The following CSMD1 variants were observed in gnomAD, a reference collection of about 807,000 sequenced individuals.
The protein encoded by CSMD1 is CUB and sushi domain-containing protein 1.
In CSMD1, 213 loss-of-function variants were observed where a neutral mutation model predicts 417.5. The observed-to-expected ratio is 0.51, with a 90% CI of 0.46 to 0.57. CSMD1 has a LOEUF of 0.57. Among genes scored for constraint, CSMD1 ranks in the 20% least tolerant of loss-of-function variants. The probability of loss-of-function intolerance (pLI) is 0.00; values close to 1 mark genes in which losing one functional copy is unlikely to be tolerated. For synonymous variants in CSMD1, 2,862 were observed against 1,736.8 expected (o/e 1.65, Z -16.11); for missense variants, 6,923 against 4,529.7 (o/e 1.53, Z -15.17).
chr8:4,525,494 A>C (rs1014364358), intron 2 of CSMD1, among the ~76,000 whole-genome samples: 3 of 152,218 alleles, frequency 2.0e-5, no homozygotes, highest in African/African-American at 7.2e-5. Flanking sequence ...TCGTAAGAGC[A>C]ATTTAGCGCC....
chr8:3,510,531 A>C (rs938030874), intron 10 of CSMD1, among the ~76,000 whole-genome samples: 2 of 151,886 alleles, frequency 1.3e-5, no homozygotes, highest in Non-Finnish European at 2.9e-5. Context: ...AGGTCTTTAA[A>C]GAGGTCAAAT....
At chr8:3,175,027 C>G (rs976072541) in intron 37 of CSMD1, among the ~76,000 whole-genome samples, 1 of 152,198 alleles carries the variant, frequency 6.6e-6, no homozygotes, top group East Asian at 1.9e-4. Context: ...AAGTTTTGAA[C>G]TCAGTGCCTT....
Position 3,573,174 on chromosome 8 carries a change from TACTTAC to T in CSMD1, c.1344+1765_1344+1770del, listed in dbSNP as rs1487892460. On this transcript the variant is annotated intron_variant, in intron 10 of 69. Transcript: ENST00000635120. The stretch of plus-strand genomic sequence containing the variant: ...TTATAATAGATAATGATATTACATT[TACTTAC>T]GCAACATGTGGATTTATCTGTTTTT... Among the ~76,000 whole-genome samples the T allele has an allele frequency of 2.6e-5, 4 of 152,346 alleles. No homozygotes were observed. In the East Asian group the frequency reaches 7.7e-4, roughly 29 times the overall value.
chr8:4,114,485 T>A (rs573026211), intron 3 of CSMD1, among the ~76,000 whole-genome samples: 1 of 152,228 alleles, frequency 6.6e-6, no homozygotes, highest in Admixed American at 6.5e-5. Flanking sequence ...GTTGTCTTCA[T>A]GCCAGCTAAT....
chr8:2,984,767 A>G (rs1805728643), intron 54 of CSMD1, among the ~76,000 whole-genome samples: 1 of 152,248 alleles, frequency 6.6e-6, no homozygotes, highest in African/African-American at 2.4e-5. Flanking sequence ...CAAGCCCAGC[A>G]TCCCGTGCAA....
intron 5 of CSMD1, among the ~76,000 whole-genome samples, chr8:3,977,440 C>A (rs2130142317): frequency 6.6e-6 from 1 of 152,104 alleles, no homozygotes; most frequent in Middle Eastern, 3.4e-3. Context: ...TCCATGTTCT[C>A]TGAGTTGTTT....
In CSMD1 at chr8:3,622,967, T is replaced by A. The variant is rs1796328137; in HGVS notation, c.1010-6170A>T. On this transcript the variant is annotated intron_variant, in intron 7 of 69. Transcript: ENST00000635120. ...AACTCTAATTTTGTTGAATTATATCTTTTCAGATCTCATAGAACACATGAC... is the reference window on the plus strand; with the variant it reads ...AACTCTAATTTTGTTGAATTATATCATTTCAGATCTCATAGAACACATGAC... 3.9e-5 allele frequency among the ~76,000 whole-genome samples: 6 copies of A among 152,336 alleles called. 1 individual carries two copies. In the South Asian group the frequency reaches 1.2e-3, roughly 32 times the overall value.
intron 2 of CSMD1, among the ~76,000 whole-genome samples, chr8:4,446,831 C>G (rs1171747944): frequency 1.3e-5 from 2 of 149,728 alleles, no homozygotes; most frequent in African/African-American, 4.9e-5. Context: ...CCATCTTGGC[C>G]AGACTGGTCT....
chr8:4,458,785 G>C (rs1016064639), intron 2 of CSMD1, among the ~76,000 whole-genome samples: 4 of 151,876 alleles, frequency 2.6e-5, no homozygotes, highest in African/African-American at 9.7e-5. Flanking sequence ...TAACGGTTAG[G>C]AATATTTAAT....
intron 7 of CSMD1, among the ~76,000 whole-genome samples, chr8:3,703,436 TTTCATTCA>T (rs199822463): frequency 0.36 from 53,510 of 149,752 alleles, 9,682 homozygotes; most frequent in Middle Eastern, 0.4. Flanking sequence ...CTTTCTCCCT[TTTCATTCA>T]TTCATTCATT....
intron 23 of CSMD1, among the ~76,000 whole-genome samples, chr8:3,319,524 A>G (rs1381438007): frequency 1.3e-5 from 2 of 152,216 alleles, no homozygotes; most frequent in Non-Finnish European, 2.9e-5. Flanking sequence ...AAATACCATA[A>G]TTAAAATGTA....
chr8:3,390,734 C>T (rs1229567184), intron 17 of CSMD1, among the ~76,000 whole-genome samples: 1 of 151,664 alleles, frequency 6.6e-6, no homozygotes, highest in African/African-American at 2.4e-5. Context: ...GAGTTGATTA[C>T]TTTGCAAATA....
At chr8:4,300,645 T>C (rs1293703917) in intron 3 of CSMD1, among the ~76,000 whole-genome samples, 2 of 152,240 alleles carry the variant, frequency 1.3e-5, no homozygotes, top group Admixed American at 1.3e-4. Flanking sequence ...TAACTCGTCA[T>C]TTAGCATTAG....
At chr8:4,610,944 G>A (rs962809577) in intron 2 of CSMD1, among the ~76,000 whole-genome samples, 3 of 152,112 alleles carry the variant, frequency 2.0e-5, no homozygotes, top group Non-Finnish European at 2.9e-5. Context: ...AATCACATTC[G>A]ATAAAATTGT....
At chr8:3,005,774 AAAT>A (rs1178070283) in intron 52 of CSMD1, among the ~76,000 whole-genome samples, 1 of 152,182 alleles carries the variant, frequency 6.6e-6, no homozygotes, top group East Asian at 1.9e-4. Context: ...ATGTATCTCA[AAAT>A]AATAAGAGCT....
At chr8:3,420,083 T>C (rs1185456700) in intron 12 of CSMD1, among the ~76,000 whole-genome samples, 6 of 152,210 alleles carry the variant, frequency 3.9e-5, no homozygotes, top group African/African-American at 1.4e-4. Flanking sequence ...CTATTATTAT[T>C]AACATCATCA....
intron 2 of CSMD1, among the ~76,000 whole-genome samples, chr8:4,565,430 T>TA (rs1250518250): frequency 2.0e-5 from 3 of 152,062 alleles, no homozygotes; most frequent in Non-Finnish European, 2.9e-5. Context: ...TCAATAGCAA[T>TA]TTTTTCAAGT....
rs1246226199 is a variant in CSMD1, at chr8:3,106,547, A to G, written c.6930T>C (p.Gly2310=). 1 of 1,613,110 alleles carries G rather than the reference A, an allele frequency of 6.2e-7. No homozygotes were observed. Among genetic ancestry groups the G allele is most frequent in the African/African-American group, 1.3e-5 (1 of 74,924 alleles). The stretch of plus-strand genomic sequence containing the variant: ...GCATACCTTCACATGTTGGGAGAGA[A>G]CCCTCAAACTGCAACTGGGAACTGA... The part of the protein sequence containing the change: ...CKLSSQLQFE[G]SLPTCEAQCP... Residue 2310 remains glycine, a synonymous_variant, in exon 46 of 70, where the codon GGT becomes GGC. Transcript: ENST00000635120.
At chr8:4,309,910 G>C (rs138930276) in intron 3 of CSMD1, among the ~76,000 whole-genome samples, 4 of 152,158 alleles carry the variant, frequency 2.6e-5, no homozygotes, top group African/African-American at 9.6e-5. Context: ...TATGAAATGT[G>C]ATTTAAGAAG....
Sources: allele counts gnomAD v4.1 joint callset (sites outside exome capture counted in the v4.1 genomes callset), GRCh38; gene constraint gnomAD v4.1.1; transcripts MANE v1.5; gene names NCBI Gene and HGNC (gene_info 2026-07-23, HGNC 2026-07-21).